The following NRG3 variants were observed in gnomAD, a reference collection of about 807,000 sequenced individuals.
The protein encoded by NRG3 is neuregulin 3, also known as pro-neuregulin-3, membrane-bound isoform.
In NRG3, 31 loss-of-function variants were observed where a neutral mutation model predicts 66.9. That is an observed-to-expected ratio of 0.46 (90% CI 0.35 to 0.63). The LOEUF is 0.63. NRG3 is among the 20% of genes least tolerant of loss of function. The probability of loss-of-function intolerance (pLI) is 0.00; values close to 1 mark genes in which losing one functional copy is unlikely to be tolerated. For synonymous variants in NRG3, 393 were observed against 359.4 expected (o/e 1.09, Z -1.06); for missense variants, 910 against 878.9 (o/e 1.04, Z -0.45).
At chr10:82,849,698 A>G (rs2063475625) in intron 3 of NRG3, among the ~76,000 whole-genome samples, 1 of 152,212 alleles carries the variant, frequency 6.6e-6, no homozygotes, top group African/African-American at 2.4e-5. Flanking sequence ...CAGCCAGCCC[A>G]TGGCTCTGAG....
At chr10:82,025,291 A>G (rs1307784942) in intron 1 of NRG3, among the ~76,000 whole-genome samples, 1 of 151,144 alleles carries the variant, frequency 6.6e-6, no homozygotes, top group African/African-American at 2.4e-5. Flanking sequence ...AGAAATATAT[A>G]TAAGAAATAC....
intron 2 of NRG3, among the ~76,000 whole-genome samples, chr10:82,652,402 C>T (rs1004262189): frequency 1.3e-5 from 2 of 152,066 alleles, no homozygotes; most frequent in South Asian, 2.1e-4. Context: ...TGGCTCTCAG[C>T]AGGAAGGGGA....
intron 2 of NRG3, among the ~76,000 whole-genome samples, chr10:82,427,679 G>T (rs927517339): frequency 3.9e-5 from 6 of 152,026 alleles, no homozygotes; most frequent in African/African-American, 1.4e-4. Context: ...TTCCTTGTGA[G>T]GTCTTTCTTG....
chr10:82,972,131 C>T (rs1189374041), intron 6 of NRG3, among the ~76,000 whole-genome samples: 1 of 151,966 alleles, frequency 6.6e-6, no homozygotes, highest in Non-Finnish European at 1.5e-5. Context: ...TGTTACAAAC[C>T]CCCTTATTAA....
intron 3 of NRG3, among the ~76,000 whole-genome samples, chr10:82,833,643 G>A (rs2062637448): frequency 6.6e-6 from 1 of 152,164 alleles, no homozygotes; most frequent in Admixed American, 6.6e-5. Flanking sequence ...CTAGGTCCAA[G>A]ACCAAGGTCT....
At chr10:82,756,249 C>T (rs1314038301) in intron 3 of NRG3, among the ~76,000 whole-genome samples, 1 of 152,066 alleles carries the variant, frequency 6.6e-6, no homozygotes, top group Non-Finnish European at 1.5e-5. Context: ...TCTGTTTATT[C>T]TTTTCTACTG....
chr10:82,834,966 G>C (rs187144091), intron 3 of NRG3, among the ~76,000 whole-genome samples: 1 of 152,234 alleles, frequency 6.6e-6, no homozygotes, highest in East Asian at 1.9e-4. Flanking sequence ...ATGTGTTAAG[G>C]AATTTTTTAA....
intron 1 of NRG3, among the ~76,000 whole-genome samples, chr10:82,182,841 T>C (rs898636759): frequency 3.9e-5 from 6 of 152,006 alleles, no homozygotes; most frequent in African/African-American, 1.4e-4. Context: ...TCCCTCAGTT[T>C]TGTTCATCTG....
intron 1 of NRG3, among the ~76,000 whole-genome samples, chr10:82,336,625 C>A (rs746651929): frequency 6.6e-6 from 1 of 151,188 alleles, no homozygotes; most frequent in South Asian, 2.1e-4. Context: ...CTGGTTCAAG[C>A]GATTCTCCTG....
chr10:82,485,608 C>T (rs1842621291), intron 2 of NRG3, among the ~76,000 whole-genome samples: 1 of 151,322 alleles, frequency 6.6e-6, no homozygotes, highest in Non-Finnish European at 1.5e-5. Flanking sequence ...GAGCAAGATA[C>T]CCTAAGTAAA....
chr10:82,105,385 T>C (rs918403532), intron 1 of NRG3, among the ~76,000 whole-genome samples: 1 of 152,192 alleles, frequency 6.6e-6, no homozygotes. Flanking sequence ...TATTATAAAT[T>C]TCTCTCTAAC....
intron 1 of NRG3, among the ~76,000 whole-genome samples, chr10:81,905,095 C>T (rs1219245433): frequency 6.6e-6 from 1 of 152,218 alleles, no homozygotes; most frequent in Non-Finnish European, 1.5e-5. Flanking sequence ...GCATCATGCT[C>T]TGCTATCTAA....
chr10:82,959,695 A>T (rs1850422686), intron 6 of NRG3, among the ~76,000 whole-genome samples: 2 of 152,120 alleles, frequency 1.3e-5, no homozygotes, highest in South Asian at 2.1e-4. Context: ...TGTTCAGAGA[A>T]CTCCAAGTTA....
chr10:82,683,149 G>C (rs939378965), intron 2 of NRG3, among the ~76,000 whole-genome samples: 1 of 151,730 alleles, frequency 6.6e-6, no homozygotes, highest in South Asian at 2.1e-4. Flanking sequence ...TAGTAGAGAC[G>C]GGGTTTCACC....
Position 81,955,148 on chromosome 10 carries a change from T to A in NRG3, c.823+78985T>A, listed in dbSNP as rs1019680492. 1.6e-4 allele frequency among the ~76,000 whole-genome samples: 24 copies of A among 148,174 alleles called. No homozygotes were observed. In the Admixed American group the frequency reaches 1.6e-3, roughly 10 times the overall value. On this transcript the variant is annotated intron_variant, in intron 1 of 8. Transcript: ENST00000372141. ...TACCTGTTATATAATATATATGTTATATAGAATATATAATATATATAATAC... is the reference window on the plus strand; with the variant it reads ...TACCTGTTATATAATATATATGTTAAATAGAATATATAATATATATAATAC...
intron 2 of NRG3, among the ~76,000 whole-genome samples, chr10:82,517,655 GTGTGTGTGTGTGTGCA>G (rs1261495068): frequency 4.7e-5 from 6 of 127,596 alleles, no homozygotes; most frequent in Admixed American, 1.6e-4. Context: ...TTGTGTGTGT[GTGTGTGTGTGTGTGCA>G]TGTGTGTGTG....
At chr10:82,950,954 C>A (rs1425989911) in intron 4 of NRG3, among the ~76,000 whole-genome samples, 1 of 152,112 alleles carries the variant, frequency 6.6e-6, no homozygotes, top group African/African-American at 2.4e-5. Flanking sequence ...AAAATACTTA[C>A]GTGCCTATTG....
At chr10:82,384,650 G>T (rs1053859337) in intron 2 of NRG3, among the ~76,000 whole-genome samples, 2 of 152,116 alleles carry the variant, frequency 1.3e-5, no homozygotes, top group Admixed American at 1.3e-4. Flanking sequence ...TGGTGTATAT[G>T]TGCCACATTT....
At chr10:82,256,472 A>T (rs922971834) in intron 1 of NRG3, among the ~76,000 whole-genome samples, 5 of 152,018 alleles carry the variant, frequency 3.3e-5, no homozygotes, top group African/African-American at 1.2e-4. Flanking sequence ...GGATGTTCTC[A>T]AGTTATCTCT....
Sources: gnomAD v4.1 joint callset for allele counts (sites outside exome capture counted in the v4.1 genomes callset) on GRCh38, gnomAD v4.1.1 for gene constraint, MANE v1.5 for transcripts, NCBI Gene and HGNC (gene_info 2026-07-23, HGNC 2026-07-21) for gene names.